ITFG1: variants seen among roughly 807,000 people sequenced by gnomAD.
ITFG1 encodes integrin alpha FG-GAP repeat containing 1.
ITFG1 carries 34 observed loss-of-function variants against 81.8 expected under a neutral mutation model. That is an observed-to-expected ratio of 0.42 (90% CI 0.32 to 0.55). ITFG1 has a LOEUF of 0.55. ITFG1 is among the 20% of genes least tolerant of loss of function. ITFG1 has a pLI of 0.17. For synonymous variants in ITFG1, 285 were observed against 270.6 expected (o/e 1.05, Z -0.52); for missense variants, 672 against 755.4 (o/e 0.89, Z 1.29).
At chr16:47,346,984 T>C (rs897164884) in intron 8 of ITFG1, among the ~76,000 whole-genome samples, 1 of 152,140 alleles carries the variant, frequency 6.6e-6, no homozygotes, top group African/African-American at 2.4e-5. Context: ...ATGTCCCTGA[T>C]AAACATAGAT....
chr16:47,242,279 A>G (rs1007036735), intron 12 of ITFG1, among the ~76,000 whole-genome samples: 3 of 152,022 alleles, frequency 2.0e-5, no homozygotes, highest in East Asian at 3.8e-4. Context: ...AAATAATCCA[A>G]CAGAAAACAA....
intron 6 of ITFG1, among the ~76,000 whole-genome samples, chr16:47,411,484 G>A (rs548368780): frequency 4.6e-5 from 7 of 152,210 alleles, no homozygotes; most frequent in African/African-American, 1.4e-4. Context: ...GGCTGTGGGC[G>A]CCATACCGGC....
intron 13 of ITFG1, among the ~76,000 whole-genome samples, chr16:47,236,646 G>A (rs1965878754): frequency 6.6e-6 from 1 of 152,148 alleles, no homozygotes; most frequent in African/African-American, 2.4e-5. Context: ...GATATGGTTA[G>A]TTAGAGGGAG....
chr16:47,240,044 C>T (rs998055283), intron 12 of ITFG1, among the ~76,000 whole-genome samples: 2 of 151,342 alleles, frequency 1.3e-5, no homozygotes, highest in Non-Finnish European at 2.9e-5. Context: ...GTAATCCCAG[C>T]ACTTTGGGAA....
At chr16:47,347,410 C>G (rs1967873166) in intron 8 of ITFG1, among the ~76,000 whole-genome samples, 1 of 152,236 alleles carries the variant, frequency 6.6e-6, no homozygotes, top group African/African-American at 2.4e-5. Flanking sequence ...CTGTGCATGG[C>G]TGGGAGGGTC....
rs141593692 is a variant in ITFG1, at chr16:47,410,244, A to G, written c.655+18560T>C. Among the ~76,000 whole-genome samples, 1,085 of 152,284 alleles carry G rather than the reference A, an allele frequency of 7.1e-3. 16 individuals are homozygous for G. The highest frequency in any genetic ancestry group is 0.025 in the African/African-American group (1,040 of 41,556). ...CTGTGAGCTGTGATGGTGCCCCTGC[A>G]TTCCAGCCTGGGTGACAGAGACCCT... On this transcript the variant is annotated intron_variant, in intron 6 of 17. Coordinates refer to ENST00000320640, the MANE Select transcript of ITFG1 (RefSeq NM_030790.5).
rs572223812 is a variant in ITFG1, at chr16:47,371,982, C to T, written c.720+3894G>A. On this transcript the variant is annotated intron_variant, in intron 7 of 17. Coordinates refer to ENST00000320640, the MANE Select transcript of ITFG1 (RefSeq NM_030790.5). ...AGGCTGGAGTACAGTGGTGCGATCT[C>T]GGCTCACTGCAAGCTCCACCTCCCA... Among the ~76,000 whole-genome samples the T allele has an allele frequency of 4.7e-5, 7 of 150,532 alleles. No individual in the cohort carries two copies. In the South Asian group the frequency reaches 8.4e-4, roughly 18 times the overall value.
intron 13 of ITFG1, among the ~76,000 whole-genome samples, chr16:47,232,460 T>C (rs1965825662): frequency 6.6e-6 from 1 of 152,156 alleles, no homozygotes; most frequent in Non-Finnish European, 1.5e-5. Flanking sequence ...ACTTCTGGTA[T>C]AGTAAGTAAA....
intron 12 of ITFG1, among the ~76,000 whole-genome samples, chr16:47,255,753 T>C (rs530983402): frequency 6.6e-6 from 1 of 152,314 alleles, no homozygotes; most frequent in Admixed American, 6.5e-5. Flanking sequence ...TGCTCTTAAG[T>C]TGCTTAGATC....
chr16:47,452,815 T>C (rs776308843), intron 3 of ITFG1, 25 bp from the exon 4 acceptor site: 31 of 1,232,418 alleles, frequency 2.5e-5, no homozygotes, highest in South Asian at 1.0e-4. Flanking sequence ...TATATATATA[T>C]GAATTAGCAG....
At chr16:47,335,015 T>C (rs1967684023) in intron 8 of ITFG1, among the ~76,000 whole-genome samples, 2 of 152,134 alleles carry the variant, frequency 1.3e-5, no homozygotes, top group African/African-American at 4.8e-5. Flanking sequence ...AAAAGCAAAA[T>C]TGGATAAACC....
At chr16:47,309,817 CT>C (rs1218497870) in intron 10 of ITFG1, among the ~76,000 whole-genome samples, 1 of 152,132 alleles carries the variant, frequency 6.6e-6, no homozygotes, top group Non-Finnish European at 1.5e-5. Flanking sequence ...AACAAAAACA[CT>C]GTTGATAAAG....
intron 7 of ITFG1, among the ~76,000 whole-genome samples, chr16:47,366,795 G>A (rs1446845637): frequency 6.6e-6 from 1 of 152,082 alleles, no homozygotes; most frequent in African/African-American, 2.4e-5. Flanking sequence ...GCTCCTCTAA[G>A]GATACTGTAG....
chr16:47,162,507 G>C (rs901819803), intron 15 of ITFG1, 33 bp downstream of exon 15: 3 of 1,518,740 alleles, frequency 2.0e-6, no homozygotes, highest in Non-Finnish European at 2.7e-6. Context: ...TTAAAACATA[G>C]ATTAATTGTA....
intron 13 of ITFG1, among the ~76,000 whole-genome samples, chr16:47,222,415 T>TC (rs1379131040): frequency 2.1e-5 from 3 of 145,626 alleles, no homozygotes; most frequent in African/African-American, 7.5e-5. Context: ...GTTTCTTTCT[T>TC]TTTTTTTTTT....
chr16:47,386,231 C>T (rs565347332), intron 6 of ITFG1, among the ~76,000 whole-genome samples: 15 of 152,134 alleles, frequency 9.9e-5, no homozygotes, highest in East Asian at 9.7e-4. Context: ...ATATAACAAA[C>T]GAAGAAACAT....
chr16:47,240,172 C>T (rs138157609), intron 12 of ITFG1, among the ~76,000 whole-genome samples: 34 of 150,212 alleles, frequency 2.3e-4, no homozygotes, highest in Non-Finnish European at 8.9e-5. Context: ...TGACACACGT[C>T]TGTGGTCTCA....
chr16:47,460,197 T>C (rs953200336), intron 1 of ITFG1, among the ~76,000 whole-genome samples: 1 of 152,080 alleles, frequency 6.6e-6, no homozygotes, highest in Admixed American at 6.5e-5. Flanking sequence ...AAGAGAGAAA[T>C]TTCTGTAGTT....
intron 6 of ITFG1, 103 bp from the exon 7 acceptor site, chr16:47,376,043 CTACTTAAACATA>C: frequency 3.3e-6 from 2 of 607,026 alleles, no homozygotes; most frequent in Non-Finnish European, 5.8e-6. Flanking sequence ...TGACACAATT[CTACTTAAACATA>C]TTTTAAATTA....
Sources: gnomAD v4.1 joint callset for allele counts (sites outside exome capture counted in the v4.1 genomes callset) on GRCh38, gnomAD v4.1.1 for gene constraint, MANE v1.5 for transcripts, NCBI Gene and HGNC (gene_info 2026-07-23, HGNC 2026-07-21) for gene names.